Variants in LYRM4 observed in about 807,000 individuals in gnomAD.
LYRM4 encodes LYR motif-containing protein 4.
LYRM4 carries 9 observed loss-of-function variants against 11.7 expected under a neutral mutation model. The observed-to-expected ratio is 0.77, with a 90% CI of 0.46 to 1.34. The LOEUF is 1.34. LYRM4 is among the 40% of genes most tolerant of loss of function. The probability of loss-of-function intolerance (pLI) is 0.00; values close to 1 mark genes in which losing one functional copy is unlikely to be tolerated. For synonymous variants in LYRM4, 42 were observed against 40.4 expected (o/e 1.04, Z -0.15); for missense variants, 133 against 112.5 (o/e 1.18, Z -0.82).
the LYRM4 span, among the ~76,000 whole-genome samples, chr6:5,049,003 C>T: frequency 2.0e-5 from 3 of 152,162 alleles, no homozygotes; most frequent in East Asian, 5.8e-4. Context: ...TTGGGATAAA[C>T]CTTGGGAACA....
chr6:5,078,358 C>G, the LYRM4 span, among the ~76,000 whole-genome samples: 32 of 151,954 alleles, frequency 2.1e-4, no homozygotes, highest in Middle Eastern at 3.2e-3. Context: ...CCTGGCTCAG[C>G]AGTTTGCTAC....
chr6:5,221,360 T>G (rs1245452783), intron 1 of LYRM4, among the ~76,000 whole-genome samples: 3 of 152,228 alleles, frequency 2.0e-5, no homozygotes, highest in Non-Finnish European at 2.9e-5. Context: ...CTTTTGCACT[T>G]GTCAACTAAA....
At chr6:5,232,729 C>G (rs1304851425) in intron 1 of LYRM4, among the ~76,000 whole-genome samples, 1 of 152,184 alleles carries the variant, frequency 6.6e-6, no homozygotes, top group East Asian at 1.9e-4. Context: ...CTGCAACATG[C>G]TTTCATTTTG....
At chr6:5,202,660 A>C (rs551160078) in intron 2 of LYRM4, among the ~76,000 whole-genome samples, 1 of 152,304 alleles carries the variant, frequency 6.6e-6, no homozygotes, top group Non-Finnish European at 1.5e-5. Context: ...CCAAGAAAAG[A>C]TGAATAGCCT....
chr6:5,078,230 G>A, the LYRM4 span, among the ~76,000 whole-genome samples: 1 of 151,522 alleles, frequency 6.6e-6, no homozygotes, highest in Non-Finnish European at 1.5e-5. Context: ...GCCCCTTTCA[G>A]CTGGGTACTT....
At chr6:5,116,642 G>A (rs1194277514) in intron 2 of LYRM4, among the ~76,000 whole-genome samples, 1 of 152,164 alleles carries the variant, frequency 6.6e-6, no homozygotes. Context: ...GACTTATACA[G>A]CCACATCAGA....
intron 2 of LYRM4, among the ~76,000 whole-genome samples, chr6:5,193,288 AT>A (rs2127694597): frequency 6.6e-6 from 1 of 151,668 alleles, no homozygotes; most frequent in East Asian, 1.9e-4. Context: ...ACTATATGTG[AT>A]TTAAAAAAAA....
chr6:5,061,021 C>T, the LYRM4 span, among the ~76,000 whole-genome samples: 1 of 152,148 alleles, frequency 6.6e-6, no homozygotes, highest in African/African-American at 2.4e-5. Flanking sequence ...GGTGCAGCCT[C>T]AAGAGGGGAC....
At chr6:5,186,797 A>G (rs1274011768) in intron 2 of LYRM4, 4 of 593,262 alleles carry the variant, frequency 6.7e-6, no homozygotes, top group Non-Finnish European at 1.0e-5. Context: ...CAGCCTGACT[A>G]ATACAGTGAA....
At chr6:5,136,000 C>A (rs1315458990) in intron 2 of LYRM4, among the ~76,000 whole-genome samples, 1 of 152,190 alleles carries the variant, frequency 6.6e-6, no homozygotes, top group Admixed American at 6.5e-5. Context: ...TGGAATCATA[C>A]AGCATTTGTT....
chr6:5,094,106 G>A, the LYRM4 span, among the ~76,000 whole-genome samples: 5 of 152,200 alleles, frequency 3.3e-5, no homozygotes, highest in African/African-American at 9.7e-5. Context: ...TGTGGATGGT[G>A]TATTTTAATG....
At position 5,234,058 on chromosome 6, in the gene LYRM4, T is replaced by C. The variant is rs1763396090; in HGVS notation, c.87-17320A>G. 8.5e-5 allele frequency among the ~76,000 whole-genome samples: 13 copies of C among 152,342 alleles called. No homozygotes were observed. The South Asian group carries it at 2.7e-3, about 32-fold the overall frequency. On this transcript the variant is annotated intron_variant, in intron 1 of 2. Coordinates refer to ENST00000330636, the MANE Select transcript of LYRM4 (RefSeq NM_020408.6). ...TTGGTTTAAAACGGGTCACCACAAT[T>C]GGCTTTAATTTCAAGTCATATTTCT...
chr6:5,260,604 GC>G, intron 1 of LYRM4, 43 bp downstream of exon 1: 1 of 1,196,168 alleles, frequency 8.4e-7, no homozygotes, highest in Admixed American at 2.1e-5. Flanking sequence ...CCGGTCCCCG[GC>G]CCCTGGCCCC....
the LYRM4 span, among the ~76,000 whole-genome samples, chr6:5,069,390 C>T: frequency 8.7e-3 from 1,314 of 151,144 alleles, 16 homozygotes; most frequent in African/African-American, 0.03. Context: ...ACTAGTCAAT[C>T]GGCGCACATC....
intron 1 of LYRM4, among the ~76,000 whole-genome samples, chr6:5,254,984 T>C (rs1299307999): frequency 1.3e-5 from 2 of 152,168 alleles, no homozygotes; most frequent in African/African-American, 4.8e-5. Flanking sequence ...CCATAACCAC[T>C]TGACTAACAA....
At chr6:5,253,171 G>A (rs1050379931) in intron 1 of LYRM4, among the ~76,000 whole-genome samples, 1 of 152,158 alleles carries the variant, frequency 6.6e-6, no homozygotes, top group Admixed American at 6.5e-5. Flanking sequence ...TGAAGAATTA[G>A]GGAGTTCTGA....
chr6:5,170,014 G>C (rs1007086261), intron 2 of LYRM4, among the ~76,000 whole-genome samples: 2 of 152,222 alleles, frequency 1.3e-5, no homozygotes, highest in Non-Finnish European at 2.9e-5. Context: ...CAGGCTGACA[G>C]AGCTGAAGTG....
chr6:5,237,578 T>A (rs989009900), intron 1 of LYRM4, among the ~76,000 whole-genome samples: 3 of 152,168 alleles, frequency 2.0e-5, no homozygotes, highest in African/African-American at 7.2e-5. Flanking sequence ...ATAATTGTCT[T>A]CCATGAAACC....
At chr6:5,033,160 C>T in the LYRM4 span, 2 of 149,276 alleles carry the variant, frequency 1.3e-5, no homozygotes, top group Non-Finnish European at 3.0e-5. Flanking sequence ...ACGTCCAAAT[C>T]CCCACGCCCA....
Sources: gnomAD v4.1 joint callset for allele counts (sites outside exome capture counted in the v4.1 genomes callset) on GRCh38, gnomAD v4.1.1 for gene constraint, MANE v1.5 for transcripts, NCBI Gene and HGNC (gene_info 2026-07-23, HGNC 2026-07-21) for gene names.